E2F2: variants seen among roughly 807,000 people sequenced by gnomAD.
The protein encoded by E2F2 is transcription factor E2F2.
E2F2 carries 22 observed loss-of-function variants against 42.2 expected under a neutral mutation model. That is an observed-to-expected ratio of 0.52 (90% CI 0.37 to 0.74). The LOEUF is 0.74. E2F2 is among the 30% of genes least tolerant of loss of function. E2F2 has a pLI of 0.00. For missense variants in E2F2, 481 were observed against 557.8 expected (o/e 0.86, Z 1.39); for synonymous variants, 248 against 251.6 (o/e 0.99, Z 0.13).
intron 1 of E2F2, among the ~76,000 whole-genome samples, chr1:23,525,475 C>T (rs3218146): frequency 6.6e-6 from 1 of 152,196 alleles, no homozygotes; most frequent in East Asian, 1.9e-4. Flanking sequence ...GGAAATGTTA[C>T]ACATCTAAGG....
At chr1:23,516,689 C>G (rs573076077) in intron 5 of E2F2, among the ~76,000 whole-genome samples, 162 bp from the exon 6 acceptor site, 9 of 151,470 alleles carry the variant, frequency 5.9e-5, no homozygotes, top group African/African-American at 2.2e-4. Context: ...GGTGGACTTC[C>G]GCTGTTTCTG....
intron 5 of E2F2, among the ~76,000 whole-genome samples, chr1:23,518,379 G>A (rs553309205): frequency 7.9e-5 from 12 of 152,080 alleles, no homozygotes; most frequent in African/African-American, 2.9e-4. Flanking sequence ...GCTGAGGCAG[G>A]AGAATCGCTT....
chr1:23,530,393 TG>T lies in E2F2; in HGVS notation c.252+148del. On this transcript the variant is annotated intron_variant, in intron 1 of 6. Transcript: ENST00000361729. This position sits in a 1 kb window ranked among gnomAD's most constrained non-coding sequence, Gnocchi z 4.4. ...ATGAAGGGGTCTTCTACTCAGATATTGGGGGCACTGGGTCCTGGAAACTGAA... is the reference window on the plus strand; with the variant it reads ...ATGAAGGGGTCTTCTACTCAGATATTGGGGCACTGGGTCCTGGAAACTGAA... The T allele has an allele frequency of 9.4e-7, 1 of 1,065,002 alleles. No individual in the cohort carries two copies. Among genetic ancestry groups the T allele is most frequent in the Non-Finnish European group, 1.3e-6 (1 of 758,450 alleles). 66.0% of individuals were successfully genotyped at this position (1,065,002 alleles called of 1,614,324 possible). A position where few individuals can be genotyped will look rare whatever the true frequency, so the allele number is the denominator to read the frequency against.
Position 23,509,605 on chromosome 1 carries a change from G to T in E2F2, c.*275C>A. On this transcript the variant is annotated 3_prime_UTR_variant, in exon 7 of 7. Coordinates refer to ENST00000361729, the MANE Select transcript of E2F2 (RefSeq NM_004091.4). ...CCTGGACTTGGCCACCTCACCTGCA[G>T]CCTTCTTGTGAGAGGTCAGAAGTCA... The T allele has an allele frequency of 2.3e-6, 1 of 433,912 alleles. No homozygotes were observed. Among genetic ancestry groups the T allele is most frequent in the Non-Finnish European group, 3.6e-6 (1 of 276,838 alleles). The allele number at this position is 433,912 out of a possible 1,614,324, so 26.9% of individuals were successfully genotyped here.
In E2F2 at chr1:23,530,874, C is replaced by T. The variant is rs1443724454; in HGVS notation, c.-81G>A. Reference sequence around the variant, plus strand: ...GGTTCCGGTGCTGCCGCCTTTCACACGGCCCGCGGCATGGCGCGGAGGCCG... The same window carrying T: ...GGTTCCGGTGCTGCCGCCTTTCACATGGCCCGCGGCATGGCGCGGAGGCCG... On this transcript the variant is annotated 5_prime_UTR_variant, in exon 1 of 7. The change creates a new upstream start codon in the 5' untranslated region. Transcript: ENST00000361729. The surrounding 1 kb of genome is among the most constrained non-coding windows in gnomAD (Gnocchi z 4.4). 2.1e-6 allele frequency: 3 copies of T among 1,397,208 alleles called. No individual in the cohort carries two copies. Among genetic ancestry groups the T allele is most frequent in the Non-Finnish European group, 2.8e-6 (3 of 1,078,250 alleles). The allele number at this position is 1,397,208 out of a possible 1,614,324, so 86.6% of individuals were successfully genotyped here.
intron 6 of E2F2, among the ~76,000 whole-genome samples, chr1:23,512,494 A>G (rs1446904038): frequency 6.6e-6 from 1 of 152,156 alleles, no homozygotes; most frequent in Non-Finnish European, 1.5e-5. Flanking sequence ...CACGCTGCTG[A>G]TGTTACAGTC....
At chr1:23,518,475 A>G (rs1349520919) in intron 5 of E2F2, among the ~76,000 whole-genome samples, 1 of 51,790 alleles carries the variant, frequency 1.9e-5, no homozygotes, top group African/African-American at 3.3e-5. Flanking sequence ...TGTCTCAAAA[A>G]TAAATAAATA....
At chr1:23,522,991 G>A (rs1643181513) in intron 2 of E2F2, among the ~76,000 whole-genome samples, 1 of 152,206 alleles carries the variant, frequency 6.6e-6, no homozygotes, top group South Asian at 2.1e-4. Context: ...AAACTTTCTT[G>A]CCATTCCTGA....
At position 23,508,664 on chromosome 1, in the gene E2F2, C is replaced by A. The variant is rs995294328; in HGVS notation, c.*1216G>T. On this transcript the variant is annotated 3_prime_UTR_variant, in exon 7 of 7. Coordinates refer to ENST00000361729, the MANE Select transcript of E2F2 (RefSeq NM_004091.4). ...CTGCCATGAAGACCTCTCTCTGTCA[C>A]CCCTTCAGTATACCTGGGAAAAAAG... 3 of 152,304 alleles carry A rather than the reference C, an allele frequency of 2.0e-5. No individual in the cohort carries two copies. Among genetic ancestry groups the A allele is most frequent in the African/African-American group, 7.2e-5 (3 of 41,450 alleles). 9.4% of individuals were successfully genotyped at this position (152,304 alleles called of 1,614,324 possible).
chr1:23,526,850 T>TGC (rs972014954), intron 1 of E2F2, among the ~76,000 whole-genome samples: 7 of 109,214 alleles, frequency 6.4e-5, no homozygotes, highest in East Asian at 6.5e-4. Context: ...TGCATGTACT[T>TGC]GCACACACAC....
intron 6 of E2F2, among the ~76,000 whole-genome samples, chr1:23,513,362 C>G (rs1333789092): frequency 6.6e-6 from 1 of 151,918 alleles, no homozygotes. Context: ...AATGTCAGAG[C>G]CTGGAGAAAT....
chr1:23,524,566 C>T (rs1643217179), intron 1 of E2F2, 78 bp from the exon 2 acceptor site: 1 of 1,338,980 alleles, frequency 7.5e-7, no homozygotes, highest in Admixed American at 2.1e-5. Context: ...GGGGCCAAAG[C>T]AATGAAGCCA....
chr1:23,506,766 T>G lies in E2F2; in HGVS notation c.*3114A>C, dbSNP rs1284302153. 1 of 152,350 alleles carries G rather than the reference T, an allele frequency of 6.6e-6. No individual in the cohort carries two copies. Among genetic ancestry groups the G allele is most frequent in the African/African-American group, 2.4e-5 (1 of 41,470 alleles). 9.4% of individuals were successfully genotyped at this position (152,350 alleles called of 1,614,324 possible). On this transcript the variant is annotated 3_prime_UTR_variant, in exon 7 of 7. Coordinates refer to ENST00000361729, the MANE Select transcript of E2F2 (RefSeq NM_004091.4). The stretch of plus-strand genomic sequence containing the variant: ...AACCCCAGAAGGTTTTCACTTCACA[T>G]GCGCTAAGCCACACAACACCTGGAT...
At position 23,516,459 on chromosome 1, in the gene E2F2, C is replaced by G. The variant is rs1252303922; in HGVS notation, c.921G>C (p.Val307=). Residue 307 remains valine (V), a synonymous_variant, in exon 6 of 7, where the codon GTG becomes GTC. Transcript: ENST00000361729. The part of the protein sequence containing the change: ...PIEVYLCPEE[V]QEPDSPSEEP... The stretch of plus-strand genomic sequence containing the variant: ...CCTCGGAAGGACTGTCCGGCTCCTG[C>G]ACCTCCTCTGGGCACAGGTAGACTT... 6.2e-7 allele frequency: 1 copy of G among 1,610,188 alleles called. No individual in the cohort carries two copies. Among genetic ancestry groups the G allele is most frequent in the Non-Finnish European group, 8.5e-7 (1 of 1,178,274 alleles).
chr1:23,527,274 T>C (rs1295616861), intron 1 of E2F2, among the ~76,000 whole-genome samples: 1 of 152,186 alleles, frequency 6.6e-6, no homozygotes, highest in African/African-American at 2.4e-5. Flanking sequence ...CTAGCACTGA[T>C]GTATGGGGAG....
At position 23,519,009 on chromosome 1, in the gene E2F2, C is replaced by G. The variant is rs760328475; in HGVS notation, c.852+7G>C. 1.9e-6 allele frequency: 3 copies of G among 1,611,896 alleles called. No individual in the cohort carries two copies. Among genetic ancestry groups the G allele is most frequent in the African/African-American group, 2.7e-5 (2 of 74,992 alleles). Reference sequence around the variant, plus strand: ...CCCTGCTCTCCACCAAATATTTCCCCTCTCACCTCAGTCCTGTCGGGCACT... The same window carrying G: ...CCCTGCTCTCCACCAAATATTTCCCGTCTCACCTCAGTCCTGTCGGGCACT... On this transcript the variant is annotated splice_region_variant and intron_variant, in intron 5 of 6. Coordinates refer to ENST00000361729, the MANE Select transcript of E2F2 (RefSeq NM_004091.4).
At chr1:23,513,556 C>T (rs548930334) in intron 6 of E2F2, among the ~76,000 whole-genome samples, 3 of 134,530 alleles carry the variant, frequency 2.2e-5, no homozygotes, top group South Asian at 4.9e-4. Context: ...GAACACAGCA[C>T]GGAACATGTG....
At chr1:23,519,204 A>T (rs977023377) in intron 4 of E2F2, 74 bp from the exon 5 acceptor site, 2 of 1,005,904 alleles carry the variant, frequency 2.0e-6, no homozygotes, top group African/African-American at 3.2e-5. Flanking sequence ...GAGCACCTTC[A>T]CCCACCTCTC....
At position 23,509,882 on chromosome 1, in the gene E2F2, A is replaced by G; in HGVS notation, c.1312T>C (p.Ter438ArgextTer56). The G allele has an allele frequency of 6.5e-7, 1 of 1,536,144 alleles. No homozygotes were observed. Among genetic ancestry groups the G allele is most frequent in the Non-Finnish European group, 8.8e-7 (1 of 1,137,876 alleles). The change falls in exon 7 of 7, where the codon TGA (stop) becomes CGA (arginine). Residue 438 changes from the stop codon to arginine (R), a stop_lost. Coordinates refer to ENST00000361729, the MANE Select transcript of E2F2 (RefSeq NM_004091.4). Reference sequence around the variant, plus strand: ...CTGCTGGGGGCAGGCAGGGCCACTCAATTAATCAACAGGTCCCCAAGGTCG... The same window carrying G: ...CTGCTGGGGGCAGGCAGGGCCACTCGATTAATCAACAGGTCCCCAAGGTCG... ...SYDLGDLLIN[*>R]
Sources: allele counts gnomAD v4.1 joint callset (sites outside exome capture counted in the v4.1 genomes callset), GRCh38; gene constraint gnomAD v4.1.1; non-coding constraint Gnocchi (gnomAD v3.1); transcripts MANE v1.5; gene names NCBI Gene and HGNC (gene_info 2026-07-23, HGNC 2026-07-21).